The following ETV3L variants were observed in gnomAD, a reference collection of about 807,000 sequenced individuals.
ETV3L encodes ETS variant transcription factor 3 like, also known as ETS translocation variant 3-like protein.
Under a neutral mutation model 27.6 loss-of-function variants are expected in ETV3L, and 30 were observed. The observed-to-expected ratio is 1.09, with a 90% confidence interval of 0.81 to 1.48. The LOEUF is 1.48. ETV3L is among the 40% of genes most tolerant of loss of function. ETV3L has a pLI of 0.00. For synonymous variants in ETV3L, 186 were observed against 188.9 expected (o/e 0.98, Z 0.12); for missense variants, 443 against 455.6 (o/e 0.97, Z 0.25).
intron 3 of ETV3L, 50 bp from the exon 4 acceptor site, chr1:157,098,038 T>C (rs745903466): frequency 4.5e-6 from 7 of 1,547,698 alleles, no homozygotes; most frequent in Non-Finnish European, 5.2e-6. Flanking sequence ...CCTTGGCATG[T>C]ATCCTCCAGT....
chr1:157,096,491 C>G (rs932959986), intron 4 of ETV3L, among the ~76,000 whole-genome samples: 3 of 152,150 alleles, frequency 2.0e-5, no homozygotes, highest in African/African-American at 7.2e-5. Context: ...TCCAGCTGAG[C>G]CTCCTTCTTC....
At chr1:157,094,759 A>C (rs562684357) in intron 4 of ETV3L, among the ~76,000 whole-genome samples, 2 of 152,218 alleles carry the variant, frequency 1.3e-5, no homozygotes, top group Non-Finnish European at 2.9e-5. Flanking sequence ...CTAAAAATAC[A>C]AAAATTAGCC....
intron 4 of ETV3L, 54 bp from the exon 5 acceptor site, chr1:157,093,181 C>T: frequency 9.0e-6 from 11 of 1,227,476 alleles, no homozygotes; most frequent in South Asian, 3.7e-5. Context: ...CGCAGATGCT[C>T]CTTGCTCCTC....
chr1:157,096,787 C>T (rs753876893), intron 4 of ETV3L, among the ~76,000 whole-genome samples: 59 of 152,290 alleles, frequency 3.9e-4, no homozygotes, highest in Non-Finnish European at 6.3e-4. Flanking sequence ...AAGGTGGTGG[C>T]GCATGCCTGT....
Position 157,092,563 on chromosome 1 carries a change from G to C in ETV3L, c.*86C>G. 1 of 1,171,620 alleles carries C rather than the reference G, an allele frequency of 8.5e-7. No individual in the cohort carries two copies. Among genetic ancestry groups the C allele is most frequent in the East Asian group, 2.4e-5 (1 of 41,910 alleles). 72.6% of individuals were successfully genotyped at this position (1,171,620 alleles called of 1,614,324 possible). ...TGCAATTTCAGCCCATGTCCAGCCAGGGGAAGGGGCTAACCCAGAGGCGGT... is the reference window on the plus strand; with the variant it reads ...TGCAATTTCAGCCCATGTCCAGCCACGGGAAGGGGCTAACCCAGAGGCGGT... On this transcript the variant is annotated 3_prime_UTR_variant, in exon 5 of 5. Coordinates refer to ENST00000454449, the MANE Select transcript of ETV3L (RefSeq NM_001004341.2).
rs147731101 is a variant in ETV3L at position 157,093,874 on chromosome 1, G to A, written c.608-747C>T. ...TGAGACTCCTAGCCTAGGCGAGAGT[G>A]CCTGCTGCCTGCTCTCATCCCTCCA... On this transcript the variant is annotated intron_variant, in intron 4 of 4. Coordinates refer to ENST00000454449, the MANE Select transcript of ETV3L (RefSeq NM_001004341.2). Among the ~76,000 whole-genome samples, 1,162 of 152,142 alleles carry A rather than the reference G, an allele frequency of 7.6e-3. 12 individuals are homozygous for A. The highest frequency in any genetic ancestry group is 0.027 in the African/African-American group (1,110 of 41,414).
At chr1:157,098,170 C>T (rs1429873750) in intron 3 of ETV3L, among the ~76,000 whole-genome samples, 182 bp from the exon 4 acceptor site, 1 of 151,860 alleles carries the variant, frequency 6.6e-6, no homozygotes, top group Admixed American at 6.6e-5. Context: ...CATCCTGGCT[C>T]ACTGCAACCT....
intron 2 of ETV3L, 24 bp downstream of exon 2, chr1:157,099,117 G>T: frequency 6.2e-7 from 1 of 1,612,482 alleles, no homozygotes; most frequent in Non-Finnish European, 8.5e-7. Context: ...CCCCTCTTTG[G>T]CCATGTCAGC....
In ETV3L at chr1:157,093,584, C is replaced by T. The variant is rs190757214; in HGVS notation, c.608-457G>A. Among the ~76,000 whole-genome samples the T allele has an allele frequency of 2.4e-3, 362 of 151,966 alleles. 2 individuals carry two copies. Among genetic ancestry groups the T allele is most frequent in the Middle Eastern group, 0.017 (5 of 294 alleles). Reference sequence around the variant, plus strand: ...TTGGCTCACTGCAATCTCCGCCTCCCGGGTTTAAGCAATTTTCCTGTCTCA... The same window carrying T: ...TTGGCTCACTGCAATCTCCGCCTCCTGGGTTTAAGCAATTTTCCTGTCTCA... On this transcript the variant is annotated intron_variant, in intron 4 of 4. Coordinates refer to ENST00000454449, the MANE Select transcript of ETV3L (RefSeq NM_001004341.2).
At chr1:157,095,778 G>A (rs549832806) in intron 4 of ETV3L, among the ~76,000 whole-genome samples, 28 of 152,262 alleles carry the variant, frequency 1.8e-4, no homozygotes, top group Non-Finnish European at 3.1e-4. Context: ...CATGGCCTCA[G>A]CTGCACTCCC....
intron 4 of ETV3L, among the ~76,000 whole-genome samples, chr1:157,093,395 T>G (rs1258440049): frequency 6.6e-6 from 1 of 152,212 alleles, no homozygotes; most frequent in Non-Finnish European, 1.5e-5. Context: ...TGTGCCACCA[T>G]GCCTGGCTAA....
At position 157,099,464 on chromosome 1, in the gene ETV3L, A is replaced by G; in HGVS notation, c.58+2T>C. ...GGGGGTAGGCCCGGCCAAGAGGCTC[A>G]CCTGAGATCCAGTTGCCGGGGTTGG... On this transcript the variant is annotated splice_donor_variant, in intron 1 of 4. Transcript: ENST00000454449. LOFTEE classifies it high-confidence loss of function. The G allele has an allele frequency of 6.2e-7, 1 of 1,613,860 alleles. No homozygotes were observed. The highest frequency in any genetic ancestry group is 1.3e-5 in the African/African-American group (1 of 75,012).
At chr1:157,099,036 C>A in intron 2 of ETV3L, 105 bp downstream of exon 2, 1 of 1,530,326 alleles carries the variant, frequency 6.5e-7, no homozygotes, top group Non-Finnish European at 8.9e-7. Flanking sequence ...CAGGCCAGGA[C>A]ACTTCCCAAG....
rs1674132928 is a variant in ETV3L, at chr1:157,092,376, C to A, written c.*273G>T. On this transcript the variant is annotated 3_prime_UTR_variant, in exon 5 of 5. Transcript: ENST00000454449. ...GGATGGAAATTATAGAAACTTTATT[C>A]TCGTCTCCCTGAAGAAAAGTTGAGA... 8 of 402,398 alleles carry A rather than the reference C, an allele frequency of 2.0e-5. No homozygotes were observed. The Middle Eastern group carries it at 2.7e-3, about 136-fold the overall frequency. 24.9% of individuals were successfully genotyped at this position (402,398 alleles called of 1,614,324 possible).
rs16838075 is a variant in ETV3L, at chr1:157,099,362, A to G, written c.75T>C (p.Asp25=). ...GNWISGLAFP[D]WAYKAESSPG... is the part of the protein sequence containing the mutation. ...GGGACGACTCGGCTTTGTAGGCCCA[A>G]TCAGGGAAGGCCAACCCTGGGTGGA... The change falls in exon 2 of 5, where the codon GAT becomes GAC. Residue 25 remains aspartate, a synonymous_variant. Coordinates refer to ENST00000454449, the MANE Select transcript of ETV3L (RefSeq NM_001004341.2). The G allele has an allele frequency of 0.17, 270,568 of 1,613,906 alleles. 29,057 individuals are homozygous for G. Among genetic ancestry groups the G allele is most frequent in the African/African-American group, 0.51 (38,194 of 74,914 alleles).
Position 157,098,895 on chromosome 1 carries a change from T to A in ETV3L, c.297A>T (p.Arg99Ser). 6.2e-7 allele frequency: 1 copy of A among 1,607,812 alleles called. No homozygotes were observed. ...MNYDKLSRAL[R>S]YYYNKRILHK... ...GCAGGATCCTCTTATTGTAGTAATA[T>A]CTGGAGAATTCGAAGTTGAGAATAG... Residue 99 changes from arginine (R) to serine (S), a missense_variant and splice_region_variant, in exon 3 of 5, where the codon AGA becomes AGT. Physicochemically the swap from Arg to Ser is moderately radical, Grantham distance 110. Transcript: ENST00000454449.
At position 157,092,957 on chromosome 1, in the gene ETV3L, G is replaced by A. The variant is rs1484069061; in HGVS notation, c.778C>T (p.Gln260Ter). The change falls in exon 5 of 5, where the codon CAG becomes TAG. Residue 260 changes from glutamine to a stop codon, truncating the protein, a stop_gained. Coordinates refer to ENST00000454449, the MANE Select transcript of ETV3L (RefSeq NM_001004341.2). LOFTEE classifies it low-confidence loss of function (END_TRUNC). The part of the protein sequence containing the change: ...PFLPPLPSEQ[Q>*]LPGAFKPDIL... ...TCTGGCTTAAAAGCCCCTGGGAGCT[G>A]CTGCTCTGACGGGAGAGGAGGCAAG... 6.2e-7 allele frequency: 1 copy of A among 1,614,082 alleles called. No homozygotes were observed. Among genetic ancestry groups the A allele is most frequent in the Admixed American group, 1.7e-5 (1 of 60,026 alleles).
chr1:157,096,631 G>T (rs1211127314), intron 4 of ETV3L, among the ~76,000 whole-genome samples: 2 of 152,148 alleles, frequency 1.3e-5, no homozygotes, highest in East Asian at 3.9e-4. Flanking sequence ...TTTATAAAAT[G>T]AAAGTCTGGC....
At chr1:157,094,742 G>A (rs1460637443) in intron 4 of ETV3L, among the ~76,000 whole-genome samples, 5 of 151,852 alleles carry the variant, frequency 3.3e-5, no homozygotes, top group South Asian at 2.1e-4. Flanking sequence ...ATGAAACCCC[G>A]TCTCTACTAA....
Sources: gnomAD v4.1 joint callset for allele counts (sites outside exome capture counted in the v4.1 genomes callset) on GRCh38, gnomAD v4.1.1 for gene constraint, MANE v1.5 for transcripts, NCBI Gene and HGNC (gene_info 2026-07-23, HGNC 2026-07-21) for gene names.